Variants in FHDC1 observed in about 807,000 individuals in gnomAD.
FHDC1 encodes FH2 domain-containing protein 1.
FHDC1 carries 25 observed loss-of-function variants against 52.6 expected under a neutral mutation model. The observed-to-expected ratio is 0.48, with a 90% CI of 0.35 to 0.66. The LOEUF (loss-of-function observed/expected upper bound fraction) is 0.66, where lower values mean the gene tolerates loss of function less well. FHDC1 is among the 30% of genes least tolerant of loss of function. The pLI, the probability that FHDC1 is intolerant of heterozygous loss-of-function variation, is 0.01. For synonymous variants in FHDC1, 616 were observed against 581.5 expected (o/e 1.06, Z -0.85); for missense variants, 1,459 against 1,452.8 (o/e 1.00, Z -0.07).
chr4:152,967,627 G>A (rs1328216036), intron 9 of FHDC1, among the ~76,000 whole-genome samples: 2 of 152,134 alleles, frequency 1.3e-5, no homozygotes, highest in Admixed American at 6.5e-5. Flanking sequence ...AGTGGCCCAT[G>A]GAAAGCATAT....
the FHDC1 span, among the ~76,000 whole-genome samples, chr4:152,926,586 A>C: frequency 6.6e-6 from 1 of 152,040 alleles, no homozygotes; most frequent in Non-Finnish European, 1.5e-5. Flanking sequence ...AGTTAAAAAA[A>C]AAAAAAAAAA....
intron 1 of FHDC1, 139 bp from the exon 2 acceptor site, chr4:152,942,789 A>AG: frequency 7.4e-6 from 3 of 404,750 alleles, no homozygotes; most frequent in Admixed American, 8.1e-5. Context: ...GGGTCCTTGT[A>AG]ATGCAACTTG....
Position 152,943,458 on chromosome 4 carries a change from T to C in FHDC1, c.401T>C (p.Ile134Thr), listed in dbSNP as rs774497055. Reference protein sequence around the residue: ...EHHYQIDTKTIEELFGQQEDT... With the variant: ...EHHYQIDTKTTEELFGQQEDT... ...CACTACCAAATTGATACAAAGACCA[T>C]TGAGGAGCTCTTTGGGCAGCAGGAA... is the stretch of plus-strand genomic sequence containing the variant. Residue 134 changes from isoleucine to threonine, a missense_variant, in exon 2 of 12, where the codon ATT becomes ACT. Transcript: ENST00000511601. 6.2e-6 allele frequency: 10 copies of C among 1,614,038 alleles called. No individual in the cohort carries two copies. The highest frequency in any genetic ancestry group is 8.5e-6 in the Non-Finnish European group (10 of 1,180,010).
At chr4:152,973,373 A>T (rs1037504657) in intron 11 of FHDC1, among the ~76,000 whole-genome samples, 5 of 151,964 alleles carry the variant, frequency 3.3e-5, no homozygotes, top group Admixed American at 3.3e-4. Context: ...TGTGTTCTCG[A>T]CCCCTCCTTT....
At position 152,960,664 on chromosome 4, in the gene FHDC1, C is replaced by A. The variant is rs200988003; in HGVS notation, c.749+14C>A. 4.3e-6 allele frequency: 7 copies of A among 1,613,602 alleles called. No individual in the cohort carries two copies. In the South Asian group the frequency reaches 4.4e-5, roughly 10 times the overall value. On this transcript the variant is annotated intron_variant, in intron 5 of 11. Coordinates refer to ENST00000511601, the MANE Select transcript of FHDC1 (RefSeq NM_001371116.1). ...TCAGGTGCCAAAGTAAGGATACAGTCGCTGGTTATTATTCTTCACGCAGTA... is the reference window on the plus strand; with the variant it reads ...TCAGGTGCCAAAGTAAGGATACAGTAGCTGGTTATTATTCTTCACGCAGTA...
At chr4:152,920,949 C>T in the FHDC1 span, among the ~76,000 whole-genome samples, 1 of 151,714 alleles carries the variant, frequency 6.6e-6, no homozygotes, top group Non-Finnish European at 1.5e-5. Flanking sequence ...CTTAAATCCT[C>T]TTGTTATGAC....
intron 4 of FHDC1, among the ~76,000 whole-genome samples, chr4:152,959,173 C>T (rs150199216): frequency 6.6e-6 from 1 of 152,270 alleles, no homozygotes; most frequent in African/African-American, 2.4e-5. Flanking sequence ...CAGTTAGCTG[C>T]AAAGATAGGC....
At chr4:152,918,669 G>C in the FHDC1 span, among the ~76,000 whole-genome samples, 194 of 152,272 alleles carry the variant, frequency 1.3e-3, 1 homozygote, top group African/African-American at 4.4e-3. Flanking sequence ...AGCTGGAGTT[G>C]TTTTTCAGTC....
At position 152,975,431 on chromosome 4, in the gene FHDC1, C is replaced by T. The variant is rs766120942; in HGVS notation, c.2140C>T (p.Pro714Ser). The T allele has an allele frequency of 6.2e-6, 10 of 1,613,360 alleles. No individual in the cohort carries two copies. In the African/African-American group the frequency reaches 1.3e-4, roughly 22 times the overall value. Residue 714 changes from proline (P) to serine (S), a missense_variant, in exon 12 of 12, where the codon CCG becomes TCG. Around this residue, in one of 3 missense-constraint regions of FHDC1, gnomAD observed 939 missense variants for 854.5 expected, o/e 1.10. Transcript: ENST00000511601. ...MELESVGHRGPQSLSASSSSL... is the reference protein window; with the variant it reads ...MELESVGHRGSQSLSASSSSL... ...GCTAGAGTCTGTGGGGCATAGGGGC[C>T]CGCAGTCCCTCAGTGCCAGCAGCAG...
intron 1 of FHDC1, among the ~76,000 whole-genome samples, chr4:152,940,036 A>G (rs1739532689): frequency 6.6e-6 from 1 of 152,166 alleles, no homozygotes. Flanking sequence ...GTGTGTTTGC[A>G]TCTCTACTGC....
chr4:152,963,364 T>G (rs1167761445), intron 8 of FHDC1, among the ~76,000 whole-genome samples: 2 of 152,184 alleles, frequency 1.3e-5, no homozygotes, highest in East Asian at 1.9e-4. Flanking sequence ...AAGCCAGCTA[T>G]GAAGGATTTA....
chr4:152,975,426 G>A lies in FHDC1; in HGVS notation c.2135G>A (p.Arg712Lys), dbSNP rs1740827717. ...ATGGAGCTAGAGTCTGTGGGGCATA[G>A]GGGCCCGCAGTCCCTCAGTGCCAGC... ...SPMELESVGH[R>K]GPQSLSASSS... Residue 712 changes from arginine (R) to lysine (K), a missense_variant, in exon 12 of 12, where the codon AGG becomes AAG. Arg to Lys is a conservative substitution (Grantham distance 26). This residue lies in a region of FHDC1 where 939 missense variants were observed against 854.5 expected (regional missense o/e 1.10). Transcript: ENST00000511601. 3 of 1,613,354 alleles carry A rather than the reference G, an allele frequency of 1.9e-6. No individual in the cohort carries two copies. Among genetic ancestry groups the A allele is most frequent in the African/African-American group, 1.3e-5 (1 of 74,942 alleles).
Position 152,975,722 on chromosome 4 carries a change from G to C in FHDC1, c.2431G>C (p.Gly811Arg). Residue 811 changes from glycine (G) to arginine (R), a missense_variant, in exon 12 of 12, where the codon GGG becomes CGG. Gly to Arg is a moderately radical substitution (Grantham distance 125). Coordinates refer to ENST00000511601, the MANE Select transcript of FHDC1 (RefSeq NM_001371116.1). Reference sequence around the variant, plus strand: ...GGAAGGGGATGGCTCCATGTCCTCTGGGGTTGGAGAAATGGGGGACAGCCA... The same window carrying C: ...GGAAGGGGATGGCTCCATGTCCTCTCGGGTTGGAGAAATGGGGGACAGCCA... Reference protein sequence around the residue: ...GGEGDGSMSSGVGEMGDSQVS... With the variant: ...GGEGDGSMSSRVGEMGDSQVS... The C allele has an allele frequency of 1.2e-6, 2 of 1,600,760 alleles. No individual in the cohort carries two copies. Among genetic ancestry groups the C allele is most frequent in the Non-Finnish European group, 1.7e-6 (2 of 1,171,448 alleles).
chr4:152,953,413 C>G (rs1350400804), intron 2 of FHDC1, 86 bp from the exon 3 acceptor site: 1 of 1,017,346 alleles, frequency 9.8e-7, no homozygotes, highest in Non-Finnish European at 1.5e-6. Flanking sequence ...ATTAGTGTTG[C>G]ATTTTGATCG....
At chr4:152,938,636 C>CCA (rs1337799119) in intron 1 of FHDC1, among the ~76,000 whole-genome samples, 1 of 152,196 alleles carries the variant, frequency 6.6e-6, no homozygotes, top group African/African-American at 2.4e-5. Flanking sequence ...TCTCCAAACT[C>CCA]GGCTTGTTCT....
rs1276600360 is a variant in FHDC1 at position 152,976,007 on chromosome 4, A to G, written c.2716A>G (p.Met906Val). The change falls in exon 12 of 12, where the codon ATG (methionine) becomes GTG (valine). Residue 906 changes from methionine to valine, a missense_variant. Transcript: ENST00000511601. ...AGAGAACGAGAGCATGCGCAAGGTCATGCCCATCACCAAGTCCAGCAGAGG... is the reference window on the plus strand; with the variant it reads ...AGAGAACGAGAGCATGCGCAAGGTCGTGCCCATCACCAAGTCCAGCAGAGG... ...ASENESMRKV[M>V]PITKSSRGAG... The G allele has an allele frequency of 6.5e-7, 1 of 1,545,930 alleles. No homozygotes were observed. Among genetic ancestry groups the G allele is most frequent in the Non-Finnish European group, 8.7e-7 (1 of 1,150,326 alleles).
At chr4:152,917,324 T>G in the FHDC1 span, among the ~76,000 whole-genome samples, 1 of 152,206 alleles carries the variant, frequency 6.6e-6, no homozygotes, top group Non-Finnish European at 1.5e-5. Flanking sequence ...TGAGACCGCT[T>G]AAAAATAAGT....
In FHDC1 at chr4:152,975,159, C is replaced by T. The variant is rs1457877608; in HGVS notation, c.1868C>T (p.Ala623Val). The T allele has an allele frequency of 6.2e-7, 1 of 1,612,956 alleles. No individual in the cohort carries two copies. The highest frequency in any genetic ancestry group is 1.3e-5 in the African/African-American group (1 of 74,940). Residue 623 changes from alanine to valine, a missense_variant, in exon 12 of 12, where the codon GCA becomes GTA. Physicochemically the swap from Ala to Val is moderately conservative, Grantham distance 64. Coordinates refer to ENST00000511601, the MANE Select transcript of FHDC1 (RefSeq NM_001371116.1). ...CCCTCAGCACAGGCGCACCAGCTTG[C>T]AGCCGCCCAGCCTGAGAACCATGCC... is the stretch of plus-strand genomic sequence containing the variant. Reference protein sequence around the residue: ...NPPSAQAHQLAAAQPENHASA... With the variant: ...NPPSAQAHQLVAAQPENHASA...
intron 10 of FHDC1, among the ~76,000 whole-genome samples, chr4:152,968,313 CGTTT>C (rs1228495290): frequency 6.9e-6 from 1 of 145,624 alleles, no homozygotes; most frequent in Non-Finnish European, 1.5e-5. Flanking sequence ...TTTGTCTCTT[CGTTT>C]GTTTGACTTG....
Sources: gnomAD v4.1 joint callset for allele counts (sites outside exome capture counted in the v4.1 genomes callset) on GRCh38, gnomAD v4.1.1 for gene constraint, gnomAD v4.1.1 regional missense constraint, MANE v1.5 for transcripts, NCBI Gene and HGNC (gene_info 2026-07-23, HGNC 2026-07-21) for gene names.